The following DHCR24 variants were observed in gnomAD, a reference collection of about 807,000 sequenced individuals.
DHCR24 encodes the protein 24-dehydrocholesterol reductase.
DHCR24 carries 28 observed loss-of-function variants against 61.2 expected under a neutral mutation model. The observed-to-expected ratio is 0.46, with a 90% confidence interval of 0.34 to 0.63. The LOEUF (loss-of-function observed/expected upper bound fraction) is 0.63. Ranked by LOEUF, DHCR24 falls within the 20% of genes least tolerant of loss-of-function variation. The pLI, the probability that DHCR24 is intolerant of heterozygous loss-of-function variation, is 0.01. For missense variants in DHCR24, 538 were observed against 679.1 expected (o/e 0.79, Z 2.31); for synonymous variants, 261 against 275.9 (o/e 0.95, Z 0.54).
chr1:54,871,837 T>TTCTA (rs760902368), intron 4 of DHCR24, among the ~76,000 whole-genome samples: 136 of 152,280 alleles, frequency 8.9e-4, no homozygotes, highest in Non-Finnish European at 1.6e-3. Context: ...GGACCCTCAC[T>TTCTA]GAGAGAGCAT....
intron 1 of DHCR24, among the ~76,000 whole-genome samples, chr1:54,885,528 G>A (rs1647088287): frequency 6.6e-6 from 1 of 152,198 alleles, no homozygotes; most frequent in Admixed American, 6.5e-5. Flanking sequence ...TAGTCTTCCT[G>A]AGCACATGAC....
chr1:54,860,028 GGAGACCCCATAGCCCCTCCAGGCCATGAT>G (rs1279161296), intron 6 of DHCR24, among the ~76,000 whole-genome samples: 3 of 152,070 alleles, frequency 2.0e-5, no homozygotes, highest in African/African-American at 4.8e-5. Flanking sequence ...TGGGTGTGGG[GGAGACCCCATAGCCCCTCCAGGCCATGAT>G]GAGACCCTCA....
intron 6 of DHCR24, among the ~76,000 whole-genome samples, chr1:54,860,723 C>T (rs1254465359): frequency 5.3e-5 from 8 of 152,212 alleles, no homozygotes; most frequent in Admixed American, 1.3e-4. Flanking sequence ...CAGTGGCTCA[C>T]GCCTGTAATC....
chr1:54,870,297 T>TG (rs751006617), intron 5 of DHCR24, among the ~76,000 whole-genome samples: 4 of 151,956 alleles, frequency 2.6e-5, no homozygotes, highest in Non-Finnish European at 4.4e-5. Context: ...TATACGTAAG[T>TG]GGTTACACCC....
chr1:54,871,269 T>A, intron 5 of DHCR24, 81 bp downstream of exon 5: 1 of 1,574,764 alleles, frequency 6.4e-7, no homozygotes, highest in Non-Finnish European at 8.6e-7. Context: ...GCTGCCAGGG[T>A]CAGGATACGG....
At position 54,876,030 on chromosome 1, in the gene DHCR24, G is replaced by C. The variant is rs745622337; in HGVS notation, c.405C>G (p.Pro135=). ...DTKKQIVRVE[P]LVTMGQVTAL... ...CAGTCACCTGGCCCATGGTCACCAAGGGCTCCACACGGACAATCTGTTGAC... is the reference window on the plus strand; with the variant it reads ...CAGTCACCTGGCCCATGGTCACCAACGGCTCCACACGGACAATCTGTTGAC... Residue 135 remains proline (P), a synonymous_variant, in exon 3 of 9, where the codon CCC becomes CCG. Coordinates refer to ENST00000371269, the MANE Select transcript of DHCR24 (RefSeq NM_014762.4). 6.2e-6 allele frequency: 10 copies of C among 1,613,826 alleles called. No individual in the cohort carries two copies. Among genetic ancestry groups the C allele is most frequent in the Non-Finnish European group, 7.6e-6 (9 of 1,179,892 alleles).
rs113651566 is a variant in DHCR24 at position 54,850,809 on chromosome 1, G to A, written c.*1424C>T. 444 of 152,298 alleles carry A rather than the reference G, an allele frequency of 2.9e-3. 2 individuals carry two copies. The Middle Eastern group carries it at 0.031, about 11-fold the overall frequency. The allele number at this position is 152,298 out of a possible 1,614,324, so 9.4% of individuals were successfully genotyped here. A position where few individuals can be genotyped will look rare whatever the true frequency, so the allele number is the denominator to read the frequency against. The stretch of plus-strand genomic sequence containing the variant: ...GTTCCAGGGAGGTCTTGTCTGTAGC[G>A]ATGTGACAGATGAGGAAACTGCAGC... On this transcript the variant is annotated 3_prime_UTR_variant, in exon 9 of 9. Transcript: ENST00000371269.
intron 2 of DHCR24, among the ~76,000 whole-genome samples, chr1:54,881,758 A>G (rs1213588731): frequency 6.6e-6 from 1 of 152,232 alleles, no homozygotes; most frequent in Non-Finnish European, 1.5e-5. Context: ...CATCAGTGGT[A>G]GACTGGATAA....
rs1162652686 is a variant in DHCR24, at chr1:54,883,752, C to A, written c.253G>T (p.Gly85Cys). ...QKQVREWKEQGSKTFMCTGRP... is the reference protein window; with the variant it reads ...QKQVREWKEQCSKTFMCTGRP... Reference sequence around the variant, plus strand: ...CCCGTGCACATGAAGGTCTTGCTACCCTGCTCCTTCCATTCCCGCACCTGC... The same window carrying A: ...CCCGTGCACATGAAGGTCTTGCTACACTGCTCCTTCCATTCCCGCACCTGC... The change falls in exon 2 of 9, where the codon GGT becomes TGT. Residue 85 changes from glycine (G) to cysteine (C), a missense_variant. By Grantham distance (159) the Gly-to-Cys change is radical. Transcript: ENST00000371269. This position sits in a 1 kb window ranked among gnomAD's most constrained non-coding sequence, Gnocchi z 4.3. 6 of 1,614,186 alleles carry A rather than the reference C, an allele frequency of 3.7e-6. No homozygotes were observed. The highest frequency in any genetic ancestry group is 2.2e-5 in the South Asian group (2 of 91,078).
chr1:54,852,007 TA>T lies in DHCR24; in HGVS notation c.*225del, dbSNP rs1350463788. Reference sequence around the variant, plus strand: ...CCAGAGTCACACAGCTAATGAGTTCTAAACGGGGAACTGGACTCAGGCTTGT... The same window carrying T: ...CCAGAGTCACACAGCTAATGAGTTCTAACGGGGAACTGGACTCAGGCTTGT... On this transcript the variant is annotated 3_prime_UTR_variant, in exon 9 of 9. Coordinates refer to ENST00000371269, the MANE Select transcript of DHCR24 (RefSeq NM_014762.4). The T allele has an allele frequency of 3.4e-6, 2 of 591,674 alleles. No homozygotes were observed. Among genetic ancestry groups the T allele is most frequent in the Non-Finnish European group, 6.0e-6 (2 of 333,966 alleles). 36.7% of individuals were successfully genotyped at this position (591,674 alleles called of 1,614,324 possible). A position where few individuals can be genotyped will look rare whatever the true frequency, so the allele number is the denominator to read the frequency against.
At position 54,851,797 on chromosome 1, in the gene DHCR24, A is replaced by C. The variant is rs1282800384; in HGVS notation, c.*436T>G. On this transcript the variant is annotated 3_prime_UTR_variant, in exon 9 of 9. Coordinates refer to ENST00000371269, the MANE Select transcript of DHCR24 (RefSeq NM_014762.4). Reference sequence around the variant, plus strand: ...AGCCATGGCTGTGCACAGGTGACCTAATGTGGAGCCTTTTCAGGCTCCACT... The same window carrying C: ...AGCCATGGCTGTGCACAGGTGACCTCATGTGGAGCCTTTTCAGGCTCCACT... The C allele has an allele frequency of 4.8e-6, 1 of 208,806 alleles. No homozygotes were observed. The highest frequency in any genetic ancestry group is 9.8e-6 in the Non-Finnish European group (1 of 102,520). The allele number at this position is 208,806 out of a possible 1,614,324, so 12.9% of individuals were successfully genotyped here. A position where few individuals can be genotyped will look rare whatever the true frequency, so the allele number is the denominator to read the frequency against.
intron 2 of DHCR24, among the ~76,000 whole-genome samples, chr1:54,882,222 A>G (rs1032352783): frequency 2.0e-5 from 3 of 152,236 alleles, no homozygotes; most frequent in Admixed American, 2.0e-4. Flanking sequence ...CTCACCAAAG[A>G]AGATATACAA....
intron 6 of DHCR24, among the ~76,000 whole-genome samples, chr1:54,860,542 C>A (rs1481799623): frequency 2.0e-5 from 3 of 152,196 alleles, no homozygotes; most frequent in Non-Finnish European, 4.4e-5. Context: ...TGCCCAGAAA[C>A]CAACCTCAGA....
At chr1:54,871,666 G>A in intron 4 of DHCR24, 53 bp from the exon 5 acceptor site, 1 of 1,613,116 alleles carries the variant, frequency 6.2e-7, no homozygotes, top group Non-Finnish European at 8.5e-7. Context: ...CCCACATTGT[G>A]GCATGCAGTC....
chr1:54,866,692 GC>G (rs1646970136), intron 5 of DHCR24, among the ~76,000 whole-genome samples: 1 of 152,166 alleles, frequency 6.6e-6, no homozygotes, highest in African/African-American at 2.4e-5. Context: ...GCAACCCTTT[GC>G]CGTGGATCTC....
At chr1:54,864,132 AAG>A (rs1646954474) in intron 6 of DHCR24, among the ~76,000 whole-genome samples, 1 of 152,234 alleles carries the variant, frequency 6.6e-6, no homozygotes, top group African/African-American at 2.4e-5. Context: ...CTCAGTGGAA[AAG>A]AGTTTGGTTG....
intron 2 of DHCR24, among the ~76,000 whole-genome samples, chr1:54,879,329 A>G (rs1276763886): frequency 0.1 from 1,312 of 12,682 alleles, 57 homozygotes; most frequent in East Asian, 0.35. Flanking sequence ...TCTGAAAAAA[A>G]AAAAAAAAAA....
At chr1:54,867,806 G>T (rs1173848071) in intron 5 of DHCR24, among the ~76,000 whole-genome samples, 1 of 152,158 alleles carries the variant, frequency 6.6e-6, no homozygotes, top group Non-Finnish European at 1.5e-5. Context: ...AGATCCAGGG[G>T]CCCAGGAGGG....
intron 2 of DHCR24, among the ~76,000 whole-genome samples, chr1:54,882,983 AAAAAAATGGC>A (rs769604792): frequency 2.0e-5 from 3 of 151,996 alleles, no homozygotes; most frequent in Non-Finnish European, 4.4e-5. Context: ...AAAGCTATTA[AAAAAAATGGC>A]ACAGAGAGAT....
Sources: gnomAD v4.1 joint callset for allele counts (sites outside exome capture counted in the v4.1 genomes callset) on GRCh38, gnomAD v4.1.1 for gene constraint, Gnocchi (gnomAD v3.1) non-coding constraint, MANE v1.5 for transcripts, NCBI Gene and HGNC (gene_info 2026-07-23, HGNC 2026-07-21) for gene names.